The following CNTNAP2 variants were observed in gnomAD, a reference collection of about 807,000 sequenced individuals.
CNTNAP2 encodes contactin associated protein 2.
In CNTNAP2, 98 loss-of-function variants were observed where a neutral mutation model predicts 155.2. The observed-to-expected ratio is 0.63, with a 90% confidence interval of 0.54 to 0.75. CNTNAP2 has a LOEUF of 0.75. CNTNAP2 is among the 30% of genes least tolerant of loss of function. CNTNAP2 has a pLI of 0.00. For synonymous variants in CNTNAP2, 651 were observed against 631.2 expected (o/e 1.03, Z -0.47); for missense variants, 1,727 against 1,688.1 (o/e 1.02, Z -0.40).
rs564052514 is a variant in CNTNAP2 at position 147,689,376 on chromosome 7, T to C, written c.2098+50070T>C. Reference sequence around the variant, plus strand: ...AGTTGGCCAGGCTTGTTTGAACTCCTGACCTCAAGTGATCCTCCCACCTCA... The same window carrying C: ...AGTTGGCCAGGCTTGTTTGAACTCCCGACCTCAAGTGATCCTCCCACCTCA... On this transcript the variant is annotated intron_variant, in intron 13 of 23. Transcript: ENST00000361727. 8.5e-5 allele frequency among the ~76,000 whole-genome samples: 13 copies of C among 152,210 alleles called. No homozygotes were observed. In the South Asian group the frequency reaches 2.1e-3, roughly 24 times the overall value.
intron 1 of CNTNAP2, among the ~76,000 whole-genome samples, chr7:146,375,482 C>A (rs1795292153): frequency 6.6e-6 from 1 of 152,178 alleles, no homozygotes; most frequent in Non-Finnish European, 1.5e-5. Flanking sequence ...GAATTACATT[C>A]ATCTAATATG....
At chr7:147,214,232 A>G (rs1313620903) in intron 8 of CNTNAP2, among the ~76,000 whole-genome samples, 1 of 152,108 alleles carries the variant, frequency 6.6e-6, no homozygotes, top group Non-Finnish European at 1.5e-5. Flanking sequence ...ATTGTTTGCA[A>G]TTTTTTTCTT....
At chr7:147,333,604 C>T (rs1394572578) in intron 9 of CNTNAP2, among the ~76,000 whole-genome samples, 1 of 152,042 alleles carries the variant, frequency 6.6e-6, no homozygotes, top group Non-Finnish European at 1.5e-5. Flanking sequence ...GGAGAGATGA[C>T]TAAGTAAATA....
intron 1 of CNTNAP2, among the ~76,000 whole-genome samples, chr7:146,507,495 T>C (rs1797402211): frequency 6.6e-6 from 1 of 152,176 alleles, no homozygotes; most frequent in African/African-American, 2.4e-5. Flanking sequence ...ATACAATGGT[T>C]TTGTTTTCTG....
chr7:146,346,905 A>C (rs1794826623), intron 1 of CNTNAP2, among the ~76,000 whole-genome samples: 1 of 152,044 alleles, frequency 6.6e-6, no homozygotes, highest in Admixed American at 6.6e-5. Flanking sequence ...TGGGAGAATA[A>C]GGTTTTTTTG....
intron 13 of CNTNAP2, among the ~76,000 whole-genome samples, chr7:147,654,966 G>A (rs968475703): frequency 1.5e-4 from 22 of 150,880 alleles, no homozygotes; most frequent in African/African-American, 3.9e-4. Context: ...ACAGGTGCCC[G>A]TCACCATGCC....
At chr7:148,040,383 A>G (rs772566572) in intron 15 of CNTNAP2, among the ~76,000 whole-genome samples, 2 of 152,226 alleles carry the variant, frequency 1.3e-5, no homozygotes, top group African/African-American at 2.4e-5. Context: ...ATGAAACTTC[A>G]TTACATGGCA....
chr7:146,658,841 T>C (rs913123415), intron 1 of CNTNAP2, among the ~76,000 whole-genome samples: 1 of 152,164 alleles, frequency 6.6e-6, no homozygotes, highest in Non-Finnish European at 1.5e-5. Context: ...AATGCCTCTA[T>C]GGATTACAGG....
chr7:146,637,519 C>A lies in CNTNAP2; in HGVS notation c.98-136752C>A, dbSNP rs144496083. ...CCTAGTTCACTTCAATAGTTATGTG[C>A]TTTTCTACGTTTCACCACAATTTTC... On this transcript the variant is annotated intron_variant, in intron 1 of 23. Transcript: ENST00000361727. 7.2e-5 allele frequency among the ~76,000 whole-genome samples: 11 copies of A among 152,248 alleles called. No homozygotes were observed. The East Asian group carries it at 1.7e-3, about 24-fold the overall frequency.
intron 1 of CNTNAP2, among the ~76,000 whole-genome samples, chr7:146,690,769 C>T (rs768019345): frequency 1.3e-5 from 2 of 151,922 alleles, no homozygotes; most frequent in Non-Finnish European, 1.5e-5. Context: ...AGAAAAAAGC[C>T]TTTAAAATTT....
rs79380305 is a variant in CNTNAP2, at chr7:147,156,797, C to G, written c.1348+24288C>G. ...ACCATGGGTATGTCCTCATCATATT[C>G]TGTACCAAAAATGAAAGTAATTATG... On this transcript the variant is annotated intron_variant, in intron 8 of 23. Coordinates refer to ENST00000361727, the MANE Select transcript of CNTNAP2 (RefSeq NM_014141.6). Among the ~76,000 whole-genome samples the G allele has an allele frequency of 5.7e-3, 867 of 152,182 alleles. 11 individuals are homozygous for G. The highest frequency in any genetic ancestry group is 0.019 in the African/African-American group (798 of 41,532).
chr7:146,996,821 C>T (rs554008870), intron 3 of CNTNAP2, among the ~76,000 whole-genome samples: 35 of 152,178 alleles, frequency 2.3e-4, no homozygotes, highest in Non-Finnish European at 3.7e-4. Context: ...TTGTAGCTTC[C>T]GTAATTCCCA....
At chr7:148,223,579 C>T (rs749649340) in intron 19 of CNTNAP2, among the ~76,000 whole-genome samples, 1 of 152,186 alleles carries the variant, frequency 6.6e-6, no homozygotes, top group African/African-American at 2.4e-5. Flanking sequence ...TGGACAAATA[C>T]TAGCATTCTT....
intron 12 of CNTNAP2, among the ~76,000 whole-genome samples, chr7:147,588,204 G>GA (rs750175326): frequency 3.7e-5 from 5 of 134,622 alleles, no homozygotes; most frequent in Admixed American, 7.3e-5. Flanking sequence ...CAGAGAGAGA[G>GA]AAAAAACAAA....
chr7:146,196,561 G>A (rs916436464), intron 1 of CNTNAP2, among the ~76,000 whole-genome samples: 4 of 151,684 alleles, frequency 2.6e-5, no homozygotes, highest in Non-Finnish European at 5.9e-5. Flanking sequence ...AGGAGGGAGG[G>A]AGGGAGAGAG....
intron 1 of CNTNAP2, among the ~76,000 whole-genome samples, chr7:146,558,408 T>C (rs1187951439): frequency 6.6e-6 from 1 of 151,244 alleles, no homozygotes; most frequent in East Asian, 1.9e-4. Context: ...TGGCATGTAC[T>C]TTTTTTTTAA....
chr7:147,886,698 G>C (rs1799606323), intron 13 of CNTNAP2, among the ~76,000 whole-genome samples: 1 of 151,972 alleles, frequency 6.6e-6, no homozygotes, highest in South Asian at 2.1e-4. Flanking sequence ...CTACATATCA[G>C]TGGCACCTTA....
rs1419886621 is a variant in CNTNAP2 at position 147,759,639 on chromosome 7, G to A, written c.2098+120333G>A. On this transcript the variant is annotated intron_variant, in intron 13 of 23. Coordinates refer to ENST00000361727, the MANE Select transcript of CNTNAP2 (RefSeq NM_014141.6). The stretch of plus-strand genomic sequence containing the variant: ...GATGATAAAGGCAATTCACAAAAAT[G>A]TCTGCGATCACTAGTGCAGCTCCTC... Among the ~76,000 whole-genome samples the A allele has an allele frequency of 2.0e-5, 3 of 152,178 alleles. No homozygotes were observed. The East Asian group carries it at 5.8e-4, about 29-fold the overall frequency.
intron 3 of CNTNAP2, among the ~76,000 whole-genome samples, chr7:147,002,944 C>CAAAAAAAA (rs773401142): frequency 7.6e-5 from 4 of 52,900 alleles, no homozygotes; most frequent in Admixed American, 1.9e-4. Flanking sequence ...ATGTTCCTTC[C>CAAAAAAAA]AAAAAAAAAA....
Sources: gnomAD v4.1 joint callset for allele counts (sites outside exome capture counted in the v4.1 genomes callset) on GRCh38, gnomAD v4.1.1 for gene constraint, MANE v1.5 for transcripts, NCBI Gene and HGNC (gene_info 2026-07-23, HGNC 2026-07-21) for gene names.